Variants in RPS6KC1 observed in about 807,000 individuals in gnomAD.
RPS6KC1 encodes the protein inactive ribosomal protein S6 kinase delta-1.
In RPS6KC1, 54 loss-of-function variants were observed where a neutral mutation model predicts 103.8. The ratio of observed to expected loss-of-function variants is 0.52; its 90% CI spans 0.42 to 0.65. The LOEUF is 0.65. RPS6KC1 is among the 30% of genes least tolerant of loss of function. The probability of loss-of-function intolerance (pLI) is 0.00; values close to 1 mark genes in which losing one functional copy is unlikely to be tolerated. For missense variants in RPS6KC1, 1,151 were observed against 1,253.8 expected, an observed-to-expected ratio of 0.92 and a Z score of 1.24; for synonymous variants, 439 against 438.7, an observed-to-expected ratio of 1.00 and a Z score of -0.01.
the RPS6KC1 span, among the ~76,000 whole-genome samples, chr1:213,299,645 A>AT: frequency 6.6e-6 from 1 of 151,856 alleles, no homozygotes; most frequent in African/African-American, 2.4e-5. Context: ...AATAAAGTTA[A>AT]TTTTAATAAT....
the RPS6KC1 span, among the ~76,000 whole-genome samples, chr1:213,796,492 C>G: frequency 2.0e-5 from 3 of 152,096 alleles, no homozygotes; most frequent in South Asian, 2.1e-4. Context: ...CCCGAAGAAG[C>G]CCTCAGTCAG....
At chr1:213,769,372 G>T in the RPS6KC1 span, among the ~76,000 whole-genome samples, 1 of 152,148 alleles carries the variant, frequency 6.6e-6, no homozygotes. Flanking sequence ...CCAGGAATCT[G>T]TGCTTTTAAG....
chr1:213,636,297 G>A, the RPS6KC1 span, among the ~76,000 whole-genome samples: 51 of 152,270 alleles, frequency 3.3e-4, no homozygotes, highest in Admixed American at 1.2e-3. Context: ...CCAAAAAAGA[G>A]CCCTCATTGC....
chr1:213,083,971 C>CA (rs1401639793), intron 3 of RPS6KC1, among the ~76,000 whole-genome samples: 21 of 152,260 alleles, frequency 1.4e-4, no homozygotes, highest in African/African-American at 4.3e-4. Flanking sequence ...TGAGAACACT[C>CA]AGGCAGCCTG....
In RPS6KC1 at chr1:213,273,881, A is replaced by G. The variant is rs1184775951; in HGVS notation, c.*1247A>G. 2 of 152,180 alleles carry G rather than the reference A, an allele frequency of 1.3e-5. No homozygotes were observed. Among genetic ancestry groups the G allele is most frequent in the Non-Finnish European group, 2.9e-5 (2 of 68,036 alleles). 9.4% of individuals were successfully genotyped at this position (152,180 alleles called of 1,614,324 possible). Reference sequence around the variant, plus strand: ...AAGAAGAAGTCACTATTTCCAAGTTAGAAACCACCAGAAATAATTGAAATT... The same window carrying G: ...AAGAAGAAGTCACTATTTCCAAGTTGGAAACCACCAGAAATAATTGAAATT... On this transcript the variant is annotated 3_prime_UTR_variant, in exon 15 of 15. Transcript: ENST00000366960.
At chr1:213,275,220 G>A (rs948393618), downstream of RPS6KC1, among the ~76,000 whole-genome samples, 8 of 152,056 alleles carry the variant, frequency 5.3e-5, no homozygotes, top group Non-Finnish European at 1.2e-4. Context: ...GTAGACATTT[G>A]GATTGTTTCT....
the RPS6KC1 span, among the ~76,000 whole-genome samples, chr1:213,282,487 A>G: frequency 6.6e-6 from 1 of 152,242 alleles, no homozygotes; most frequent in Non-Finnish European, 1.5e-5. Context: ...GGAGTGCATG[A>G]TAACAGCTTG....
the RPS6KC1 span, among the ~76,000 whole-genome samples, chr1:213,812,415 C>A: frequency 6.6e-6 from 1 of 152,106 alleles, no homozygotes; most frequent in African/African-American, 2.4e-5. Flanking sequence ...CTTTCCATAG[C>A]CATCTCCTTA....
At chr1:213,544,039 A>G in the RPS6KC1 span, among the ~76,000 whole-genome samples, 2 of 152,220 alleles carry the variant, frequency 1.3e-5, no homozygotes, top group Non-Finnish European at 2.9e-5. Flanking sequence ...ACACACTCAA[A>G]GAGAAGGGCA....
At chr1:213,552,835 G>A in the RPS6KC1 span, among the ~76,000 whole-genome samples, 2 of 152,086 alleles carry the variant, frequency 1.3e-5, no homozygotes, top group Non-Finnish European at 2.9e-5. Context: ...GTGAAATGTA[G>A]CCTGCTTTTT....
the RPS6KC1 span, among the ~76,000 whole-genome samples, chr1:213,723,053 G>T: frequency 3.3e-5 from 5 of 152,126 alleles, no homozygotes; most frequent in Non-Finnish European, 7.4e-5. Context: ...GGTGGCAGGT[G>T]CCTGTAGTCC....
At chr1:213,520,467 A>G in the RPS6KC1 span, among the ~76,000 whole-genome samples, 1 of 152,200 alleles carries the variant, frequency 6.6e-6, no homozygotes, top group East Asian at 1.9e-4. Context: ...GCTACAATTC[A>G]AGATGAGATT....
In RPS6KC1 at chr1:213,242,555, C is replaced by A; in HGVS notation, c.2822-14C>A. ...AGAAAAATGTTTTGATTTCTCCTGT[C>A]GTTTTGTTTTTAGGACACATTCAGC... On this transcript the variant is annotated splice_polypyrimidine_tract_variant and intron_variant, in intron 11 of 14. Transcript: ENST00000366960. The A allele has an allele frequency of 2.5e-6, 4 of 1,596,968 alleles. No individual in the cohort carries two copies. In the South Asian group the frequency reaches 3.3e-5, roughly 13 times the overall value.
the RPS6KC1 span, among the ~76,000 whole-genome samples, chr1:213,843,726 G>T: frequency 6.6e-6 from 1 of 152,102 alleles, no homozygotes; most frequent in Non-Finnish European, 1.5e-5. Context: ...GTTGATAATA[G>T]AATAAAACTT....
At chr1:213,115,443 T>C (rs1338262612) in intron 4 of RPS6KC1, among the ~76,000 whole-genome samples, 1 of 152,188 alleles carries the variant, frequency 6.6e-6, no homozygotes, top group African/African-American at 2.4e-5. Context: ...TTCTTCTCTC[T>C]TTTTTTCTTT....
chr1:213,734,569 G>C, the RPS6KC1 span, among the ~76,000 whole-genome samples: 9 of 152,280 alleles, frequency 5.9e-5, no homozygotes, highest in East Asian at 1.9e-4. Flanking sequence ...CTTTATTAAG[G>C]CTGTGCAGTA....
chr1:213,157,670 A>G (rs1249435013), intron 6 of RPS6KC1, among the ~76,000 whole-genome samples: 1 of 152,274 alleles, frequency 6.6e-6, no homozygotes, highest in Admixed American at 6.5e-5. Flanking sequence ...CTGTTTTTGT[A>G]TGGAGTATTC....
At chr1:213,454,371 T>C in the RPS6KC1 span, among the ~76,000 whole-genome samples, 4 of 152,320 alleles carry the variant, frequency 2.6e-5, no homozygotes, top group South Asian at 8.3e-4. Context: ...TTTCTATTAA[T>C]AAAATTGCAC....
At chr1:213,509,087 A>G in the RPS6KC1 span, among the ~76,000 whole-genome samples, 6 of 152,238 alleles carry the variant, frequency 3.9e-5, no homozygotes, top group African/African-American at 1.2e-4. Flanking sequence ...TAGGGTGACC[A>G]TGTAATTTAT....
Sources: allele counts gnomAD v4.1 joint callset (sites outside exome capture counted in the v4.1 genomes callset), GRCh38; gene constraint gnomAD v4.1.1; transcripts MANE v1.5; gene names NCBI Gene and HGNC (gene_info 2026-07-23, HGNC 2026-07-21).